The following RORA variants were observed in gnomAD, a reference collection of about 807,000 sequenced individuals.
The protein encoded by RORA is nuclear receptor ROR-alpha.
A neutral mutation model predicts 69.5 loss-of-function variants in RORA; 7 were observed. The ratio of observed to expected loss-of-function variants is 0.10; its 90% CI spans 0.06 to 0.19. The LOEUF (loss-of-function observed/expected upper bound fraction) is 0.19, where lower values mean the gene tolerates loss of function less well. Among genes scored for constraint, RORA ranks in the 10% least tolerant of loss-of-function variants. The pLI, the probability that RORA is intolerant of heterozygous loss-of-function variation, is 1.00. For missense variants in RORA, 457 were observed against 663.0 expected, an observed-to-expected ratio of 0.69 and a Z score of 3.41; for synonymous variants, 261 against 240.8, an observed-to-expected ratio of 1.08 and a Z score of -0.78.
chr15:60,926,363 A>G (rs751279472), intron 1 of RORA, among the ~76,000 whole-genome samples: 3 of 152,196 alleles, frequency 2.0e-5, no homozygotes, highest in Admixed American at 6.5e-5. Context: ...AGCCCTTGCC[A>G]AAGTCTCACA....
rs149103081 is a variant in RORA at position 61,118,939 on chromosome 15, G to A, written c.166+110114C>T. ...TGGCCCTGACTACCATGTACTGGGC[G>A]ACCTATAATACTGACATCAAGCGCA... On this transcript the variant is annotated intron_variant, in intron 1 of 10. Coordinates refer to ENST00000335670, the MANE Select transcript of RORA (RefSeq NM_134261.3). Among the ~76,000 whole-genome samples, 5 of 152,084 alleles carry A rather than the reference G, an allele frequency of 3.3e-5. No homozygotes were observed. The East Asian group carries it at 5.8e-4, about 18-fold the overall frequency.
chr15:61,062,588 T>C (rs1252158928), intron 1 of RORA, among the ~76,000 whole-genome samples: 6 of 152,184 alleles, frequency 3.9e-5, no homozygotes, highest in African/African-American at 9.7e-5. Flanking sequence ...GGTAAAAGCA[T>C]AGCATGTCTG....
In RORA at chr15:61,210,261, A is replaced by C. The variant is rs923837220; in HGVS notation, c.166+18792T>G. 3.3e-5 allele frequency among the ~76,000 whole-genome samples: 5 copies of C among 152,238 alleles called. No individual in the cohort carries two copies. The East Asian group carries it at 9.6e-4, about 29-fold the overall frequency. On this transcript the variant is annotated intron_variant, in intron 1 of 10. Transcript: ENST00000335670. ...AGAAGACTCCAAACTGCCCACAGGG[A>C]TCAGAACTTTTATAGCCAGTCTTTC...
At chr15:60,748,788 T>A (rs1186154398) in intron 1 of RORA, among the ~76,000 whole-genome samples, 2 of 152,166 alleles carry the variant, frequency 1.3e-5, no homozygotes, top group African/African-American at 4.8e-5. Context: ...AGTTGGGGTA[T>A]GTTTCAGCAA....
At chr15:60,842,331 A>G (rs1379849880) in intron 1 of RORA, among the ~76,000 whole-genome samples, 1 of 152,198 alleles carries the variant, frequency 6.6e-6, no homozygotes, top group Non-Finnish European at 1.5e-5. Context: ...GATAAAGTCC[A>G]AATACCTAGT....
At chr15:61,199,263 A>G (rs188201100) in intron 1 of RORA, among the ~76,000 whole-genome samples, 125 of 133,308 alleles carry the variant, frequency 9.4e-4, no homozygotes, top group African/African-American at 3.9e-3. Flanking sequence ...AAAGAAAGGG[A>G]AAAAAAAATG....
intron 5 of RORA, among the ~76,000 whole-genome samples, chr15:60,506,202 C>CT (rs373657395): frequency 3.3e-5 from 5 of 152,240 alleles, no homozygotes; most frequent in African/African-American, 1.2e-4. Flanking sequence ...AGCTCTGCTG[C>CT]TTACTAGCTG....
At chr15:61,163,596 G>A (rs1190280281) in intron 1 of RORA, among the ~76,000 whole-genome samples, 2 of 152,170 alleles carry the variant, frequency 1.3e-5, no homozygotes, top group African/African-American at 4.8e-5. Flanking sequence ...GGGAAGACAC[G>A]AAATTGAGAC....
intron 1 of RORA, among the ~76,000 whole-genome samples, chr15:60,894,162 G>C (rs1373012868): frequency 6.6e-6 from 1 of 152,202 alleles, no homozygotes; most frequent in Non-Finnish European, 1.5e-5. Flanking sequence ...TTCCTGTGAA[G>C]AGCCCTCACC....
At chr15:60,930,203 C>A (rs551867864) in intron 1 of RORA, among the ~76,000 whole-genome samples, 15 of 152,048 alleles carry the variant, frequency 9.9e-5, no homozygotes, top group Non-Finnish European at 1.6e-4. Flanking sequence ...TAGATACAGA[C>A]GAAAAAGCTC....
At chr15:60,732,950 T>C (rs2071448631) in intron 1 of RORA, among the ~76,000 whole-genome samples, 1 of 152,218 alleles carries the variant, frequency 6.6e-6, no homozygotes, top group Non-Finnish European at 1.5e-5. Context: ...TACTTTCTTT[T>C]GACAGAAATC....
intron 1 of RORA, among the ~76,000 whole-genome samples, chr15:61,094,319 G>T (rs1223158662): frequency 6.6e-6 from 1 of 152,092 alleles, no homozygotes; most frequent in Non-Finnish European, 1.5e-5. Context: ...GAAGATCTAG[G>T]CCATTAAATT....
At chr15:60,824,872 A>G (rs552463410) in intron 1 of RORA, among the ~76,000 whole-genome samples, 1 of 152,216 alleles carries the variant, frequency 6.6e-6, no homozygotes, top group Non-Finnish European at 1.5e-5. Flanking sequence ...TAGAGGACAG[A>G]ATAACAGCTG....
At chr15:60,766,720 T>C (rs1426139067) in intron 1 of RORA, among the ~76,000 whole-genome samples, 1 of 152,018 alleles carries the variant, frequency 6.6e-6, no homozygotes, top group East Asian at 1.9e-4. Context: ...AGCTTCTTGC[T>C]GGGGCCGAGT....
chr15:60,981,198 A>G (rs1355988876), intron 1 of RORA, among the ~76,000 whole-genome samples: 1 of 151,360 alleles, frequency 6.6e-6, no homozygotes, highest in Admixed American at 6.6e-5. Context: ...GATTTCTTCT[A>G]TATAATAAGT....
chr15:61,033,419 C>CAAACAAAAAAAA (rs1555403817), intron 1 of RORA, among the ~76,000 whole-genome samples: 1 of 150,532 alleles, frequency 6.6e-6, no homozygotes, highest in African/African-American at 2.5e-5. Context: ...AAAAAAAAAA[C>CAAACAAAAAAAA]AAAAACCAGT....
intron 1 of RORA, among the ~76,000 whole-genome samples, chr15:60,698,763 C>T (rs2070942225): frequency 6.6e-6 from 1 of 151,780 alleles, no homozygotes; most frequent in African/African-American, 2.4e-5. Flanking sequence ...TGTCCCAATG[C>T]AGAACTTTAT....
At chr15:60,968,060 ATAAGCATCAACT>A (rs369014211) in intron 1 of RORA, among the ~76,000 whole-genome samples, 7 of 152,216 alleles carry the variant, frequency 4.6e-5, no homozygotes, top group African/African-American at 1.7e-4. Context: ...AATTCATTCG[ATAAGCATCAACT>A]TAAGCACCAA....
chr15:60,894,860 A>T (rs1172078954), intron 1 of RORA, among the ~76,000 whole-genome samples: 1 of 152,182 alleles, frequency 6.6e-6, no homozygotes, highest in African/African-American at 2.4e-5. Context: ...CAACTTAAAC[A>T]TCCCTGCACA....
Sources: allele counts gnomAD v4.1 joint callset (sites outside exome capture counted in the v4.1 genomes callset), GRCh38; gene constraint gnomAD v4.1.1; transcripts MANE v1.5; gene names NCBI Gene and HGNC (gene_info 2026-07-23, HGNC 2026-07-21).